Variants in MGAT4A observed in about 807,000 individuals in gnomAD.
MGAT4A encodes alpha-1,3-mannosyl-glycoprotein 4-beta-N-acetylglucosaminyltransferase A.
A neutral mutation model predicts 74.1 loss-of-function variants in MGAT4A; 33 were observed. That is an observed-to-expected ratio of 0.45 (90% CI 0.34 to 0.60). MGAT4A has a LOEUF of 0.60. Among genes scored for constraint, MGAT4A ranks in the 20% least tolerant of loss-of-function variants. The pLI, the probability that MGAT4A is intolerant of heterozygous loss-of-function variation, is 0.02. For synonymous variants in MGAT4A, 198 were observed against 210.4 expected (o/e 0.94, Z 0.51); for missense variants, 479 against 628.3 (o/e 0.76, Z 2.54).
chr2:98,625,474 G>C lies in MGAT4A; in HGVS notation c.*92C>G. On this transcript the variant is annotated 3_prime_UTR_variant, in exon 16 of 16. Coordinates refer to ENST00000393487, the MANE Select transcript of MGAT4A (RefSeq NM_012214.3). Reference sequence around the variant, plus strand: ...TTATCTACAGTAGACTTCACAAGAGGTAGTGTTCAAGTAGAAATAAAAAAA... The same window carrying C: ...TTATCTACAGTAGACTTCACAAGAGCTAGTGTTCAAGTAGAAATAAAAAAA... 6.4e-7 allele frequency: 1 copy of C among 1,566,246 alleles called. No individual in the cohort carries two copies. Among genetic ancestry groups the C allele is most frequent in the Non-Finnish European group, 8.6e-7 (1 of 1,161,820 alleles).
intron 2 of MGAT4A, among the ~76,000 whole-genome samples, chr2:98,711,887 G>A (rs908087188): frequency 5.3e-5 from 8 of 152,162 alleles, no homozygotes; most frequent in African/African-American, 1.9e-4. Context: ...ACTTCCCAAA[G>A]TGTTGGGATT....
chr2:98,686,311 T>C (rs1298350223), intron 2 of MGAT4A, among the ~76,000 whole-genome samples: 2 of 152,212 alleles, frequency 1.3e-5, no homozygotes, highest in Non-Finnish European at 2.9e-5. Flanking sequence ...TCAGTATACT[T>C]ACAAAACAGT....
rs191804426 is a variant in MGAT4A, at chr2:98,704,544, G to A, written c.94+21695C>T. The stretch of plus-strand genomic sequence containing the variant: ...GACTGCTTGAGCTCAGGAGCCCGAG[G>A]CTGCAGTGAGCAGTGATCATACCAC... On this transcript the variant is annotated intron_variant, in intron 2 of 15. Transcript: ENST00000393487. Among the ~76,000 whole-genome samples the A allele has an allele frequency of 2.8e-4, 42 of 152,264 alleles. No homozygotes were observed. In the East Asian group the frequency reaches 3.9e-3, roughly 14 times the overall value.
chr2:98,629,953 A>T (rs1014411993), intron 14 of MGAT4A, among the ~76,000 whole-genome samples: 4 of 152,124 alleles, frequency 2.6e-5, no homozygotes, highest in African/African-American at 9.7e-5. Flanking sequence ...GCTGAGGCAG[A>T]GAGAAATGCT....
intron 3 of MGAT4A, among the ~76,000 whole-genome samples, chr2:98,677,114 T>A (rs1299583826): frequency 6.6e-6 from 1 of 152,178 alleles, no homozygotes; most frequent in Non-Finnish European, 1.5e-5. Context: ...GATACATATG[T>A]CAATTTAATT....
intron 5 of MGAT4A, among the ~76,000 whole-genome samples, chr2:98,658,746 T>C (rs1350963706): frequency 6.6e-6 from 1 of 152,242 alleles, no homozygotes; most frequent in African/African-American, 2.4e-5. Context: ...GATAAAACTA[T>C]GTAATAAAAA....
At chr2:98,700,244 A>G (rs545878740) in intron 2 of MGAT4A, among the ~76,000 whole-genome samples, 12 of 151,734 alleles carry the variant, frequency 7.9e-5, no homozygotes, top group African/African-American at 2.9e-4. Flanking sequence ...CCTTAGCAAG[A>G]CTTCTGAGTA....
At chr2:98,715,913 T>A (rs1472824756) in intron 2 of MGAT4A, among the ~76,000 whole-genome samples, 2 of 152,188 alleles carry the variant, frequency 1.3e-5, no homozygotes, top group African/African-American at 4.8e-5. Context: ...GCAAAAATAG[T>A]AACTTTACAA....
chr2:98,629,372 T>C (rs546793012), intron 14 of MGAT4A, among the ~76,000 whole-genome samples: 41 of 152,360 alleles, frequency 2.7e-4, no homozygotes, highest in African/African-American at 6.0e-4. Flanking sequence ...ACTTATTTCA[T>C]AGAAGTTTGT....
At chr2:98,721,846 C>T (rs921822301) in intron 2 of MGAT4A, among the ~76,000 whole-genome samples, 2 of 151,526 alleles carry the variant, frequency 1.3e-5, no homozygotes, top group East Asian at 3.9e-4. Flanking sequence ...ACAAAAAAGA[C>T]ATAAGGCACA....
intron 14 of MGAT4A, among the ~76,000 whole-genome samples, chr2:98,626,867 G>A (rs1421384144): frequency 6.6e-6 from 1 of 152,074 alleles, no homozygotes; most frequent in African/African-American, 2.4e-5. Flanking sequence ...TCTTTGAAAC[G>A]TTCTTTCACA....
intron 2 of MGAT4A, among the ~76,000 whole-genome samples, chr2:98,703,726 C>T (rs943853874): frequency 6.6e-6 from 1 of 152,104 alleles, no homozygotes; most frequent in Non-Finnish European, 1.5e-5. Context: ...ACTCCCTACC[C>T]CTAACAGTGC....
At chr2:98,707,598 G>A (rs1301161161) in intron 2 of MGAT4A, among the ~76,000 whole-genome samples, 1 of 152,058 alleles carries the variant, frequency 6.6e-6, no homozygotes, top group Non-Finnish European at 1.5e-5. Context: ...AATGAGAGGG[G>A]AGAAAAAAAT....
At chr2:98,697,304 C>T (rs1702289766) in intron 2 of MGAT4A, among the ~76,000 whole-genome samples, 1 of 152,184 alleles carries the variant, frequency 6.6e-6, no homozygotes, top group Admixed American at 6.5e-5. Context: ...ATCTCTCACA[C>T]ACTGTATGAC....
At position 98,635,289 on chromosome 2, in the gene MGAT4A, C is replaced by G. The variant is rs748807576; in HGVS notation, c.1402-1G>C. 1 of 1,597,854 alleles carries G rather than the reference C, an allele frequency of 6.3e-7. No homozygotes were observed. On this transcript the variant is annotated splice_acceptor_variant, in intron 13 of 15. Coordinates refer to ENST00000393487, the MANE Select transcript of MGAT4A (RefSeq NM_012214.3). LOFTEE classifies it high-confidence loss of function. ...CTTTGCTTATTTCCAAACCTTCACTCTAAAATAAAACAAAAGCATTAATTT... is the reference window on the plus strand; with the variant it reads ...CTTTGCTTATTTCCAAACCTTCACTGTAAAATAAAACAAAAGCATTAATTT...
At position 98,621,648 on chromosome 2, in the gene MGAT4A, C is replaced by A; in HGVS notation, c.*3918G>T. 6.9e-7 allele frequency: 1 copy of A among 1,446,972 alleles called. No individual in the cohort carries two copies. Among genetic ancestry groups the A allele is most frequent in the Admixed American group, 2.7e-5 (1 of 37,172 alleles). The allele number at this position is 1,446,972 out of a possible 1,614,324, so 89.6% of individuals were successfully genotyped here. On this transcript the variant is annotated 3_prime_UTR_variant, in exon 16 of 16. Transcript: ENST00000393487. ...TATACAAGGTCATTGGTGGGGGTGT[C>A]AGTAGGGGTCATTCTTAGAAATTTG...
intron 2 of MGAT4A, among the ~76,000 whole-genome samples, chr2:98,716,483 T>G (rs1702593054): frequency 6.6e-6 from 1 of 152,122 alleles, no homozygotes; most frequent in Non-Finnish European, 1.5e-5. Flanking sequence ...CTGGGTGTGG[T>G]GGGGTGCACC....
At position 98,621,365 on chromosome 2, in the gene MGAT4A, G is replaced by A; in HGVS notation, c.*4201C>T. Reference sequence around the variant, plus strand: ...GACTGCAGTTCCCAGCTCCTTTGCTGTTAGCCAAGGCCTCTCTCAGCTCCT... The same window carrying A: ...GACTGCAGTTCCCAGCTCCTTTGCTATTAGCCAAGGCCTCTCTCAGCTCCT... On this transcript the variant is annotated 3_prime_UTR_variant, in exon 16 of 16. Transcript: ENST00000393487. The A allele has an allele frequency of 6.5e-7, 1 of 1,533,210 alleles. No individual in the cohort carries two copies. The highest frequency in any genetic ancestry group is 1.4e-5 in the African/African-American group (1 of 72,242). 95.0% of individuals were successfully genotyped at this position (1,533,210 alleles called of 1,614,324 possible). A position where few individuals can be genotyped will look rare whatever the true frequency, so the allele number is the denominator to read the frequency against.
At chr2:98,725,804 T>C (rs1054637997) in intron 2 of MGAT4A, 3 of 199,044 alleles carry the variant, frequency 1.5e-5, no homozygotes, top group African/African-American at 2.3e-5. Flanking sequence ...ATTAACTACA[T>C]AGCACCCAAT....
Sources: allele counts gnomAD v4.1 joint callset (sites outside exome capture counted in the v4.1 genomes callset), GRCh38; gene constraint gnomAD v4.1.1; transcripts MANE v1.5; gene names NCBI Gene and HGNC (gene_info 2026-07-23, HGNC 2026-07-21).